Variants in SCD5 observed in about 807,000 individuals in gnomAD.
SCD5 encodes acyl-CoA-desaturase 4.
SCD5 carries 20 observed loss-of-function variants against 30.4 expected under a neutral mutation model. The ratio of observed to expected loss-of-function variants is 0.66; its 90% CI spans 0.46 to 0.96. The LOEUF is 0.96. SCD5 is among the 40% of genes least tolerant of loss of function. The pLI is 0.00. For synonymous variants in SCD5, 173 were observed against 176.4 expected (o/e 0.98, Z 0.16); for missense variants, 381 against 443.3 (o/e 0.86, Z 1.26).
intron 1 of SCD5, among the ~76,000 whole-genome samples, chr4:82,735,571 G>A (rs1406739142): frequency 7.9e-5 from 12 of 152,232 alleles, no homozygotes; most frequent in African/African-American, 2.2e-4. Flanking sequence ...CGCCACATTC[G>A]TTACTGCTCG....
At chr4:82,636,562 C>T (rs1369200593) in intron 4 of SCD5, 29 bp downstream of exon 4, 3 of 1,566,262 alleles carry the variant, frequency 1.9e-6, no homozygotes, top group African/African-American at 2.7e-5. Flanking sequence ...CCACCATTCT[C>T]CCCATTGGCC....
At chr4:82,743,002 C>T (rs1026250748) in intron 1 of SCD5, among the ~76,000 whole-genome samples, 2 of 152,156 alleles carry the variant, frequency 1.3e-5, no homozygotes, top group Non-Finnish European at 2.9e-5. Context: ...GAGAGAAAGA[C>T]GCGTAGACAG....
chr4:82,673,520 G>A (rs1294411381), intron 3 of SCD5, among the ~76,000 whole-genome samples: 1 of 152,172 alleles, frequency 6.6e-6, no homozygotes, highest in African/African-American at 2.4e-5. Context: ...GAACTAAATA[G>A]ATGAAGAGTT....
At chr4:82,708,718 TGACAGA>T (rs2148828419) in intron 1 of SCD5, among the ~76,000 whole-genome samples, 1 of 152,266 alleles carries the variant, frequency 6.6e-6, no homozygotes, top group Non-Finnish European at 1.5e-5. Context: ...CCTGACTATA[TGACAGA>T]GAACAGTCCT....
At chr4:82,726,848 G>A (rs577966067) in intron 1 of SCD5, among the ~76,000 whole-genome samples, 30 of 152,240 alleles carry the variant, frequency 2.0e-4, no homozygotes, top group Admixed American at 1.5e-3. Flanking sequence ...TCTTCGTCCT[G>A]TTCCTTTCCC....
At chr4:82,776,991 AAG>A (rs1053187609) in intron 1 of SCD5, among the ~76,000 whole-genome samples, 6 of 152,240 alleles carry the variant, frequency 3.9e-5, no homozygotes, top group African/African-American at 1.4e-4. Context: ...CTCATCTGGG[AAG>A]CTGTGCTGAA....
At chr4:82,691,256 C>T (rs569250279) in intron 2 of SCD5, among the ~76,000 whole-genome samples, 1 of 152,168 alleles carries the variant, frequency 6.6e-6, no homozygotes, top group Non-Finnish European at 1.5e-5. Flanking sequence ...CAACTCCTGA[C>T]CTCAGGTGAT....
chr4:82,677,331 G>A (rs1728458638), intron 3 of SCD5, among the ~76,000 whole-genome samples: 1 of 152,210 alleles, frequency 6.6e-6, no homozygotes, highest in African/African-American at 2.4e-5. Flanking sequence ...GTGTGCCACT[G>A]AAATGACCCA....
chr4:82,798,633 G>T lies in SCD5; in HGVS notation c.-96C>A, dbSNP rs370638056. 9.3e-6 allele frequency: 10 copies of T among 1,079,304 alleles called. No individual in the cohort carries two copies. The South Asian group carries it at 1.2e-4, about 13-fold the overall frequency. The allele number at this position is 1,079,304 out of a possible 1,614,324, so 66.9% of individuals were successfully genotyped here. A position where few individuals can be genotyped will look rare whatever the true frequency, so the allele number is the denominator to read the frequency against. Reference sequence around the variant, plus strand: ...GGGGGCGGGGGCTTCTGCCTTTTAGGGGGGAATTCTCCGCACGTCCAGTCC... The same window carrying T: ...GGGGGCGGGGGCTTCTGCCTTTTAGTGGGGAATTCTCCGCACGTCCAGTCC... On this transcript the variant is annotated 5_prime_UTR_variant, in exon 1 of 5. Transcript: ENST00000319540.
At chr4:82,748,025 T>C (rs1721029576) in intron 1 of SCD5, among the ~76,000 whole-genome samples, 1 of 152,158 alleles carries the variant, frequency 6.6e-6, no homozygotes, top group African/African-American at 2.4e-5. Context: ...AAAAAATGAA[T>C]TACTTGGGGA....
At chr4:82,767,344 T>TCTAGCCATTTTGGC (rs1721514793) in intron 1 of SCD5, among the ~76,000 whole-genome samples, 2 of 152,154 alleles carry the variant, frequency 1.3e-5, no homozygotes, top group African/African-American at 4.8e-5. Context: ...CTTTGTGAAC[T>TCTAGCCATTTTGGC]CTAGCCATTT....
chr4:82,673,160 C>T (rs1728362849), intron 3 of SCD5, among the ~76,000 whole-genome samples: 2 of 152,066 alleles, frequency 1.3e-5, no homozygotes, highest in South Asian at 4.2e-4. Context: ...TATGGAAGTC[C>T]TACCTAATGC....
At chr4:82,797,289 C>T (rs991723258) in intron 1 of SCD5, among the ~76,000 whole-genome samples, 1 of 152,234 alleles carries the variant, frequency 6.6e-6, no homozygotes, top group Non-Finnish European at 1.5e-5. Flanking sequence ...GCTGGAAGGG[C>T]ATCTTGGATT....
chr4:82,634,864 T>C (rs1346980888), intron 4 of SCD5, among the ~76,000 whole-genome samples: 2 of 152,226 alleles, frequency 1.3e-5, no homozygotes, highest in South Asian at 2.1e-4. Flanking sequence ...GGGAAAGCCA[T>C]AGGAAGGGTT....
intron 1 of SCD5, among the ~76,000 whole-genome samples, chr4:82,775,296 G>A (rs1721721328): frequency 1.3e-5 from 2 of 152,212 alleles, no homozygotes; most frequent in Non-Finnish European, 2.9e-5. Flanking sequence ...TGGATTCTGA[G>A]CAGGGCTGGA....
chr4:82,647,618 GTCC>G (rs1727659106), intron 3 of SCD5, among the ~76,000 whole-genome samples: 1 of 152,146 alleles, frequency 6.6e-6, no homozygotes, highest in Non-Finnish European at 1.5e-5. Context: ...AAGCTGCATT[GTCC>G]TCCTCAAGCT....
intron 3 of SCD5, among the ~76,000 whole-genome samples, chr4:82,638,427 G>A (rs944450338): frequency 1.3e-5 from 2 of 152,166 alleles, no homozygotes; most frequent in African/African-American, 4.8e-5. Context: ...ATGCATTAAT[G>A]GAGTGGCTAC....
chr4:82,717,110 C>T (rs1351720403), intron 1 of SCD5, among the ~76,000 whole-genome samples: 1 of 151,768 alleles, frequency 6.6e-6, no homozygotes, highest in Non-Finnish European at 1.5e-5. Flanking sequence ...ACCCCCTATA[C>T]ATACTGAAGG....
rs116281112 is a variant in SCD5 at position 82,709,364 on chromosome 4, C to T, written c.233-3951G>A. Among the ~76,000 whole-genome samples the T allele has an allele frequency of 8.2e-3, 1,248 of 151,402 alleles. 19 individuals carry two copies. Among genetic ancestry groups the T allele is most frequent in the African/African-American group, 0.028 (1,134 of 40,736 alleles). ...TCATTGAGCTGCTATTATGTACCAG[C>T]CACTGAGCTCAGAACTGGGAGTTTA... On this transcript the variant is annotated intron_variant, in intron 1 of 4. Transcript: ENST00000319540.
Sources: gnomAD v4.1 joint callset for allele counts (sites outside exome capture counted in the v4.1 genomes callset) on GRCh38, gnomAD v4.1.1 for gene constraint, MANE v1.5 for transcripts, NCBI Gene and HGNC (gene_info 2026-07-23, HGNC 2026-07-21) for gene names.